Variants in SCRN1 observed in about 807,000 individuals in gnomAD.
SCRN1 encodes secernin 1.
A neutral mutation model predicts 43.3 loss-of-function variants in SCRN1; 19 were observed. The observed-to-expected ratio is 0.44, with a 90% CI of 0.31 to 0.64. The LOEUF (loss-of-function observed/expected upper bound fraction) is 0.64. SCRN1 is among the 30% of genes least tolerant of loss of function. SCRN1 has a pLI of 0.09. For synonymous variants in SCRN1, 183 were observed against 188.9 expected (o/e 0.97, Z 0.26); for missense variants, 447 against 524.1 (o/e 0.85, Z 1.44).
At chr7:29,969,796 G>A (rs1261901284) in intron 1 of SCRN1, 1 of 456,066 alleles carries the variant, frequency 2.2e-6, no homozygotes, top group African/African-American at 2.0e-5. Flanking sequence ...TTCCAGCTGG[G>A]TTCTCACCTT....
intron 4 of SCRN1, among the ~76,000 whole-genome samples, chr7:29,943,132 G>A (rs4307242): frequency 0.026 from 3,908 of 152,246 alleles, 150 homozygotes; most frequent in African/African-American, 0.076. Context: ...TAGGTTCAAC[G>A]AAAGAGAAGT....
At chr7:29,980,588 A>G (rs2127931202) in intron 1 of SCRN1, among the ~76,000 whole-genome samples, 1 of 152,332 alleles carries the variant, frequency 6.6e-6, no homozygotes, top group East Asian at 1.9e-4. Flanking sequence ...ACTCTCCATC[A>G]CTAAAAAATT....
chr7:29,961,762 T>G (rs555896973), intron 2 of SCRN1, among the ~76,000 whole-genome samples: 1 of 145,770 alleles, frequency 6.9e-6, no homozygotes, highest in East Asian at 1.9e-4. Context: ...ATGGGGCGGC[T>G]GGCCGGGCAG....
At chr7:29,938,167 T>C (rs1201972558) in intron 5 of SCRN1, among the ~76,000 whole-genome samples, 4 of 152,194 alleles carry the variant, frequency 2.6e-5, no homozygotes, top group Non-Finnish European at 5.9e-5. Flanking sequence ...TAGCTGGGAC[T>C]ACAGGCATGC....
chr7:29,957,430 T>C (rs1046271236), intron 2 of SCRN1, among the ~76,000 whole-genome samples: 2 of 152,250 alleles, frequency 1.3e-5, no homozygotes, highest in Non-Finnish European at 2.9e-5. Context: ...CTTTTCCTCT[T>C]TGCCGTTCCA....
chr7:29,989,546 G>A (rs956647976), intron 1 of SCRN1, 96 bp downstream of exon 1: 63 of 985,216 alleles, frequency 6.4e-5, no homozygotes, highest in African/African-American at 7.0e-5. Context: ...AGGGACAGCG[G>A]GAGGAGATGA....
chr7:29,960,267 T>C (rs1342835720), intron 2 of SCRN1, among the ~76,000 whole-genome samples: 1 of 152,184 alleles, frequency 6.6e-6, no homozygotes, highest in East Asian at 1.9e-4. Flanking sequence ...GTAAATATTT[T>C]CAATGATAAA....
At chr7:29,986,407 A>T (rs1384495828) in intron 1 of SCRN1, among the ~76,000 whole-genome samples, 1 of 152,190 alleles carries the variant, frequency 6.6e-6, no homozygotes, top group African/African-American at 2.4e-5. Flanking sequence ...ATGATATTTT[A>T]AATTCTTTCT....
intron 1 of SCRN1, among the ~76,000 whole-genome samples, chr7:29,973,425 T>C (rs1788721798): frequency 6.6e-6 from 1 of 151,996 alleles, no homozygotes; most frequent in African/African-American, 2.4e-5. Flanking sequence ...AAAAGACAGG[T>C]GAATGGAGGG....
chr7:29,968,882 C>G (rs1439370109), intron 2 of SCRN1, 27 bp downstream of exon 2: 1 of 1,613,254 alleles, frequency 6.2e-7, no homozygotes, highest in Non-Finnish European at 8.5e-7. Context: ...GAGAGTGTGA[C>G]TCGCGAGACT....
chr7:29,956,245 C>G (rs1788132596), intron 2 of SCRN1, among the ~76,000 whole-genome samples: 1 of 152,198 alleles, frequency 6.6e-6, no homozygotes, highest in Non-Finnish European at 1.5e-5. Flanking sequence ...TGTGGGTAAC[C>G]CTCAGAGTCT....
chr7:29,990,277 T>C, upstream of SCRN1: 2 of 1,548,778 alleles, frequency 1.3e-6, no homozygotes, highest in African/African-American at 1.4e-5. Context: ...TACTTGGACA[T>C]TGTGGCCTAG....
rs751791705 is a variant in SCRN1 at position 29,944,140 on chromosome 7, T to C, written c.381A>G (p.Leu127=). 14 of 1,614,118 alleles carry C rather than the reference T, an allele frequency of 8.7e-6. No individual in the cohort carries two copies. Among genetic ancestry groups the C allele is most frequent in the Non-Finnish European group, 1.1e-5 (13 of 1,180,046 alleles). The change falls in exon 4 of 8, where the codon TTA becomes TTG. Residue 127 remains leucine (L), a synonymous_variant. Coordinates refer to ENST00000242059, the MANE Select transcript of SCRN1 (RefSeq NM_014766.5). ...LERGETAKEA[L]DVIVSLLEEH... Reference sequence around the variant, plus strand: ...CTTCCAACAAGGAGACAATGACATCTAAGGCTTCTTTAGCTGTTTCCCCTC... The same window carrying C: ...CTTCCAACAAGGAGACAATGACATCCAAGGCTTCTTTAGCTGTTTCCCCTC...
chr7:29,956,467 T>C (rs897224654), intron 2 of SCRN1, among the ~76,000 whole-genome samples: 1 of 152,194 alleles, frequency 6.6e-6, no homozygotes, highest in Non-Finnish European at 1.5e-5. Context: ...CAGGAATCAT[T>C]TACATTTTAA....
chr7:29,960,103 C>A (rs1788261332), intron 2 of SCRN1, among the ~76,000 whole-genome samples: 1 of 152,010 alleles, frequency 6.6e-6, no homozygotes, highest in African/African-American at 2.4e-5. Flanking sequence ...CTTGTACTTT[C>A]CTATTGTAAG....
chr7:29,937,815 T>C (rs1787393187), intron 5 of SCRN1, among the ~76,000 whole-genome samples: 4 of 152,238 alleles, frequency 2.6e-5, no homozygotes, highest in Admixed American at 2.6e-4. Flanking sequence ...TTCACCATGA[T>C]GGAATTGAAG....
intron 2 of SCRN1, 67 bp downstream of exon 2, chr7:29,968,842 G>A: frequency 6.3e-7 from 1 of 1,581,976 alleles, no homozygotes; most frequent in Non-Finnish European, 8.7e-7. Flanking sequence ...CAAGAAGTTA[G>A]GGTTGTGCTA....
In SCRN1 at chr7:29,955,168, C is replaced by T. The variant is rs765224999; in HGVS notation, c.341+11G>A. On this transcript the variant is annotated intron_variant, in intron 3 of 7. Coordinates refer to ENST00000242059, the MANE Select transcript of SCRN1 (RefSeq NM_014766.5). Reference sequence around the variant, plus strand: ...TCTAGGAAGTTGTTTCAAAGAATCACCATGCAGTACCTGACCAGATCCATC... The same window carrying T: ...TCTAGGAAGTTGTTTCAAAGAATCATCATGCAGTACCTGACCAGATCCATC... 1 of 1,601,342 alleles carries T rather than the reference C, an allele frequency of 6.2e-7. No individual in the cohort carries two copies. Among genetic ancestry groups the T allele is most frequent in the South Asian group, 1.1e-5 (1 of 88,578 alleles).
At chr7:29,924,348 C>A (rs1027935570) in intron 7 of SCRN1, among the ~76,000 whole-genome samples, 1 of 152,222 alleles carries the variant, frequency 6.6e-6, no homozygotes, top group Admixed American at 6.5e-5. Context: ...AAAGCCCAGA[C>A]CCCAGAGTGA....
Sources: gnomAD v4.1 joint callset for allele counts (sites outside exome capture counted in the v4.1 genomes callset) on GRCh38, gnomAD v4.1.1 for gene constraint, MANE v1.5 for transcripts, NCBI Gene and HGNC (gene_info 2026-07-23, HGNC 2026-07-21) for gene names.